GPC6: variants seen among roughly 807,000 people sequenced by gnomAD.
GPC6 encodes glypican-6.
In GPC6, 14 loss-of-function variants were observed where a neutral mutation model predicts 55.2. The observed-to-expected ratio is 0.25, with a 90% CI of 0.17 to 0.40. The LOEUF (loss-of-function observed/expected upper bound fraction) is 0.40, where lower values mean the gene tolerates loss of function less well. GPC6 is among the 10% of genes least tolerant of loss of function. GPC6 has a pLI of 1.00. For synonymous variants in GPC6, 278 were observed against 259.6 expected, an observed-to-expected ratio of 1.07 and a Z score of -0.68; for missense variants, 641 against 708.5, an observed-to-expected ratio of 0.90 and a Z score of 1.08.
At chr13:94,252,045 G>T (rs550094959) in intron 4 of GPC6, among the ~76,000 whole-genome samples, 2 of 152,136 alleles carry the variant, frequency 1.3e-5, no homozygotes, top group Admixed American at 6.5e-5. Context: ...TCCTGGCACC[G>T]CTAACAACTG....
chr13:93,959,677 G>A (rs1380016146), intron 3 of GPC6, among the ~76,000 whole-genome samples: 1 of 152,126 alleles, frequency 6.6e-6, no homozygotes. Flanking sequence ...TAGTTGAGTA[G>A]GTGGCCTGTC....
chr13:93,626,612 G>A (rs1879209647), intron 2 of GPC6, among the ~76,000 whole-genome samples: 1 of 152,024 alleles, frequency 6.6e-6, no homozygotes, highest in Admixed American at 6.6e-5. Context: ...GACCAGCCTG[G>A]CCAATATGGT....
At chr13:93,399,109 C>G (rs1030933656) in intron 1 of GPC6, among the ~76,000 whole-genome samples, 1 of 151,952 alleles carries the variant, frequency 6.6e-6, no homozygotes, top group African/African-American at 2.4e-5. Flanking sequence ...GAATTTCTCT[C>G]ACATTCACCG....
chr13:93,324,661 C>A (rs1879588010), intron 1 of GPC6, among the ~76,000 whole-genome samples: 2 of 146,086 alleles, frequency 1.4e-5, no homozygotes, highest in Admixed American at 1.4e-4. Context: ...TATGTACCCA[C>A]TAAAATTAAA....
intron 2 of GPC6, among the ~76,000 whole-genome samples, chr13:93,558,764 C>T (rs9589766): frequency 0.036 from 5,411 of 152,224 alleles, 323 homozygotes; most frequent in African/African-American, 0.12. Context: ...TGTTGAACAA[C>T]GACTAACAGG....
intron 3 of GPC6, among the ~76,000 whole-genome samples, chr13:93,966,245 A>G (rs1289512104): frequency 6.6e-6 from 1 of 152,214 alleles, no homozygotes; most frequent in Non-Finnish European, 1.5e-5. Context: ...ACATAATAGG[A>G]ATAAGAATGT....
chr13:94,379,562 A>G (rs1880065286), intron 6 of GPC6, among the ~76,000 whole-genome samples: 1 of 152,202 alleles, frequency 6.6e-6, no homozygotes, highest in African/African-American at 2.4e-5. Flanking sequence ...ATGAACACAC[A>G]GTATTGTGAC....
intron 6 of GPC6, among the ~76,000 whole-genome samples, chr13:94,342,719 T>C (rs983097575): frequency 6.6e-6 from 1 of 152,176 alleles, no homozygotes; most frequent in African/African-American, 2.4e-5. Context: ...CACTCCCTGG[T>C]GCACTTTCTT....
intron 2 of GPC6, among the ~76,000 whole-genome samples, chr13:93,613,977 T>C (rs914241723): frequency 3.9e-5 from 6 of 152,192 alleles, no homozygotes; most frequent in African/African-American, 1.4e-4. Context: ...TGGTGGGCAA[T>C]TGACTAGGTC....
In GPC6 at chr13:93,954,651, T is replaced by C. The variant is rs968439430; in HGVS notation, c.712-73078T>C. Among the ~76,000 whole-genome samples the C allele has an allele frequency of 5.9e-5, 9 of 152,310 alleles. No individual in the cohort carries two copies. The East Asian group carries it at 1.7e-3, about 29-fold the overall frequency. The stretch of plus-strand genomic sequence containing the variant: ...AATTCATAGAGCACACAGAGAAGCA[T>C]GTCCCAGTTGTCCTGTGGAACACTT... On this transcript the variant is annotated intron_variant, in intron 3 of 8. Coordinates refer to ENST00000377047, the MANE Select transcript of GPC6 (RefSeq NM_005708.5).
chr13:93,629,466 A>T (rs1353428194), intron 2 of GPC6, among the ~76,000 whole-genome samples: 1 of 152,156 alleles, frequency 6.6e-6, no homozygotes, highest in Non-Finnish European at 1.5e-5. Flanking sequence ...GAGCCATTGA[A>T]ATAATTTTCA....
intron 1 of GPC6, among the ~76,000 whole-genome samples, chr13:93,518,844 A>T (rs1339699001): frequency 2.0e-5 from 3 of 152,022 alleles, no homozygotes; most frequent in African/African-American, 7.2e-5. Context: ...TAGTTAACAA[A>T]GTGTAAGACA....
intron 2 of GPC6, among the ~76,000 whole-genome samples, chr13:93,656,031 G>A (rs566797455): frequency 3.2e-4 from 49 of 152,118 alleles, no homozygotes; most frequent in Non-Finnish European, 6.2e-4. Context: ...ACAGCAAGAA[G>A]TAAAATTTTA....
intron 2 of GPC6, among the ~76,000 whole-genome samples, chr13:93,711,634 T>A (rs1486261452): frequency 6.6e-6 from 1 of 151,786 alleles, no homozygotes; most frequent in African/African-American, 2.4e-5. Flanking sequence ...TTGGACATTC[T>A]TGGACTCTAA....
intron 4 of GPC6, among the ~76,000 whole-genome samples, chr13:94,130,717 A>G (rs1371372651): frequency 6.6e-6 from 1 of 152,172 alleles, no homozygotes; most frequent in Non-Finnish European, 1.5e-5. Flanking sequence ...TTCTGCAAAG[A>G]AAATGACCAT....
chr13:93,522,684 G>T (rs1881466801), intron 1 of GPC6, among the ~76,000 whole-genome samples: 1 of 151,804 alleles, frequency 6.6e-6, no homozygotes, highest in Admixed American at 6.6e-5. Flanking sequence ...CAAAACAGTG[G>T]ATGTAGCCAG....
intron 4 of GPC6, among the ~76,000 whole-genome samples, chr13:94,097,495 A>G (rs934179684): frequency 1.0e-4 from 14 of 136,960 alleles, no homozygotes; most frequent in African/African-American, 3.5e-4. Flanking sequence ...CCACAGAGCA[A>G]GACTCTGTCT....
intron 2 of GPC6, among the ~76,000 whole-genome samples, chr13:93,806,301 A>G (rs1332155602): frequency 2.0e-5 from 3 of 152,018 alleles, no homozygotes; most frequent in Non-Finnish European, 4.4e-5. Flanking sequence ...AATGGGGACA[A>G]CGTATAATTT....
chr13:94,178,081 C>CAG (rs1888852591), intron 4 of GPC6, among the ~76,000 whole-genome samples: 1 of 142,660 alleles, frequency 7.0e-6, no homozygotes, highest in Non-Finnish European at 1.5e-5. Flanking sequence ...TGCAGTGGTG[C>CAG]GATCTCAACT....
Sources: allele counts gnomAD v4.1 joint callset (sites outside exome capture counted in the v4.1 genomes callset), GRCh38; gene constraint gnomAD v4.1.1; transcripts MANE v1.5; gene names NCBI Gene and HGNC (gene_info 2026-07-23, HGNC 2026-07-21).